Variants in NEMP2 observed in about 807,000 individuals in gnomAD.
NEMP2 encodes UPF0571 transmembrane protein.
A neutral mutation model predicts 54.2 loss-of-function variants in NEMP2; 53 were observed. The observed-to-expected ratio is 0.98, with a 90% confidence interval of 0.78 to 1.23. The LOEUF (loss-of-function observed/expected upper bound fraction) is 1.23, where lower values mean the gene tolerates loss of function less well. NEMP2 is among the 50% of genes most tolerant of loss of function. The probability of loss-of-function intolerance (pLI) is 0.00; values close to 1 mark genes in which losing one functional copy is unlikely to be tolerated. For missense variants in NEMP2, 455 were observed against 511.3 expected (o/e 0.89, Z 1.06); for synonymous variants, 197 against 190.3 (o/e 1.04, Z -0.29).
chr2:190,484,680 T>G, the NEMP2 span, among the ~76,000 whole-genome samples: 1 of 152,330 alleles, frequency 6.6e-6, no homozygotes, highest in Middle Eastern at 3.4e-3. Context: ...GAACTGCAGC[T>G]CCACCACTGT....
chr2:190,445,687 T>TC, the NEMP2 span, among the ~76,000 whole-genome samples: 1 of 152,226 alleles, frequency 6.6e-6, no homozygotes, highest in Non-Finnish European at 1.5e-5. Flanking sequence ...AAGGTCTTTT[T>TC]CCTCTCCTGG....
the NEMP2 span, among the ~76,000 whole-genome samples, chr2:190,456,987 T>G: frequency 6.6e-6 from 1 of 152,196 alleles, no homozygotes; most frequent in Non-Finnish European, 1.5e-5. This position sits in a 1 kb window ranked among gnomAD's most constrained non-coding sequence, Gnocchi z 5.4. Context: ...CGTCTTCTGA[T>G]GCCAACATAA....
chr2:190,637,033 T>C, the NEMP2 span, among the ~76,000 whole-genome samples: 2 of 152,232 alleles, frequency 1.3e-5, no homozygotes, highest in African/African-American at 4.8e-5. The surrounding 1 kb of genome is among the most constrained non-coding windows in gnomAD (Gnocchi z 4.5). Flanking sequence ...AAGGTAATCA[T>C]TTAAAAAGTA....
At chr2:190,421,953 CCTGA>C in the NEMP2 span, among the ~76,000 whole-genome samples, 2 of 152,162 alleles carry the variant, frequency 1.3e-5, no homozygotes, top group African/African-American at 2.4e-5. Context: ...CTCTTCTGCT[CCTGA>C]CTGTCTAATG....
chr2:190,460,025 G>T, the NEMP2 span, among the ~76,000 whole-genome samples: 2 of 152,198 alleles, frequency 1.3e-5, no homozygotes, highest in Non-Finnish European at 2.9e-5. Flanking sequence ...GGTCCCTTCA[G>T]CTATGCTGTG....
rs76177633 is a variant in NEMP2 at position 190,529,777 on chromosome 2, C to T, written c.98-4399G>A. Reference sequence around the variant, plus strand: ...GAGCCTGGCCAGGAATAGTCAGCACCGTAAAAGAAGGTGCACTCTGGCCCT... The same window carrying T: ...GAGCCTGGCCAGGAATAGTCAGCACTGTAAAAGAAGGTGCACTCTGGCCCT... On this transcript the variant is annotated intron_variant, in intron 1 of 8. Coordinates refer to ENST00000409150, the MANE Select transcript of NEMP2 (RefSeq NM_001142645.2). The surrounding 1 kb of genome is among the most constrained non-coding windows in gnomAD (Gnocchi z 4.7). Among the ~76,000 whole-genome samples, 2 of 152,142 alleles carry T rather than the reference C, an allele frequency of 1.3e-5. No individual in the cohort carries two copies. Among genetic ancestry groups the T allele is most frequent in the Non-Finnish European group, 2.9e-5 (2 of 68,032 alleles).
the NEMP2 span, among the ~76,000 whole-genome samples, chr2:190,429,152 T>C: frequency 2.6e-5 from 4 of 152,154 alleles, no homozygotes; most frequent in South Asian, 6.2e-4. Flanking sequence ...TTGGGTTACC[T>C]GATATTTTCC....
rs1691208857 is a variant in NEMP2, at chr2:190,533,075, C to T, written c.97+1484G>A. Among the ~76,000 whole-genome samples the T allele has an allele frequency of 1.3e-5, 2 of 152,170 alleles. No individual in the cohort carries two copies. The highest frequency in any genetic ancestry group is 6.5e-5 in the Admixed American group (1 of 15,284). On this transcript the variant is annotated intron_variant, in intron 1 of 8. Transcript: ENST00000409150. This position sits in a 1 kb window ranked among gnomAD's most constrained non-coding sequence, Gnocchi z 4.3. Reference sequence around the variant, plus strand: ...TGCGGTAACATAAAAACTTTAAAAACACCAGGTTCACTGAGGTGAGGAAAA... The same window carrying T: ...TGCGGTAACATAAAAACTTTAAAAATACCAGGTTCACTGAGGTGAGGAAAA...
the NEMP2 span, among the ~76,000 whole-genome samples, chr2:190,574,958 G>A: frequency 2.6e-5 from 4 of 151,830 alleles, no homozygotes; most frequent in South Asian, 4.2e-4. Flanking sequence ...GGGTTCAAGC[G>A]ATTCTCCTGC....
the NEMP2 span, among the ~76,000 whole-genome samples, chr2:190,573,949 T>C: frequency 1.3e-5 from 2 of 152,174 alleles, no homozygotes; most frequent in African/African-American, 4.8e-5. Context: ...TATAAAAACC[T>C]CCATTTTATA....
chr2:190,635,101 T>C, the NEMP2 span, among the ~76,000 whole-genome samples: 1 of 152,242 alleles, frequency 6.6e-6, no homozygotes, highest in Non-Finnish European at 1.5e-5. The surrounding 1 kb of genome is among the most constrained non-coding windows in gnomAD (Gnocchi z 4.1). Context: ...CTTGAATAGC[T>C]TGCCTGTTAG....
the NEMP2 span, chr2:190,437,104 GGGT>G: frequency 6.2e-7 from 1 of 1,614,118 alleles, no homozygotes; most frequent in Non-Finnish European, 8.5e-7. This position sits in a 1 kb window ranked among gnomAD's most constrained non-coding sequence, Gnocchi z 5.9. Flanking sequence ...CGATGGAAAG[GGGT>G]GTAAGCCCCC....
the NEMP2 span, among the ~76,000 whole-genome samples, chr2:190,453,009 G>A: frequency 6.6e-6 from 1 of 152,132 alleles, no homozygotes; most frequent in African/African-American, 2.4e-5. Flanking sequence ...TTCTAGGGTT[G>A]CAGTGTTGAA....
the NEMP2 span, among the ~76,000 whole-genome samples, chr2:190,589,920 G>T: frequency 2.0e-5 from 3 of 152,170 alleles, no homozygotes; most frequent in Non-Finnish European, 4.4e-5. This position sits in a 1 kb window ranked among gnomAD's most constrained non-coding sequence, Gnocchi z 4.3. Context: ...TGAAGGAATT[G>T]TCTGGATGAA....
At chr2:190,526,055 AAC>A (rs1193260302) in intron 1 of NEMP2, among the ~76,000 whole-genome samples, 1 of 152,168 alleles carries the variant, frequency 6.6e-6, no homozygotes, top group African/African-American at 2.4e-5. Flanking sequence ...TTAAGGCACT[AAC>A]AATAAGGCAC....
At chr2:190,511,581 G>A (rs908994517) in intron 7 of NEMP2, among the ~76,000 whole-genome samples, 2 of 136,394 alleles carry the variant, frequency 1.5e-5, no homozygotes, top group African/African-American at 5.7e-5. Flanking sequence ...TTGAGCCAGA[G>A]TCTCGCTCTG....
At chr2:190,608,584 A>G in the NEMP2 span, 1 of 152,226 alleles carries the variant, frequency 6.6e-6, no homozygotes, top group Non-Finnish European at 1.5e-5. The surrounding 1 kb of genome is among the most constrained non-coding windows in gnomAD (Gnocchi z 4.9). Context: ...TTGAGCCTGT[A>G]TGAAGACAAG....
At chr2:190,470,587 G>A in the NEMP2 span, among the ~76,000 whole-genome samples, 3 of 152,252 alleles carry the variant, frequency 2.0e-5, no homozygotes, top group East Asian at 1.9e-4. Flanking sequence ...GTTGAGTGAC[G>A]GTCCAGGCTA....
chr2:190,484,173 A>C, the NEMP2 span, among the ~76,000 whole-genome samples: 1 of 152,218 alleles, frequency 6.6e-6, no homozygotes, highest in African/African-American at 2.4e-5. Flanking sequence ...AAGAGTTAAC[A>C]CATTGCAAGG....
Sources: allele counts gnomAD v4.1 joint callset (sites outside exome capture counted in the v4.1 genomes callset), GRCh38; gene constraint gnomAD v4.1.1; non-coding constraint Gnocchi (gnomAD v3.1); transcripts MANE v1.5; gene names NCBI Gene and HGNC (gene_info 2026-07-23, HGNC 2026-07-21).